Variants in SGK1 observed in about 807,000 individuals in gnomAD.
SGK1 encodes the protein serum/glucocorticoid regulated kinase 1.
A neutral mutation model predicts 64.2 loss-of-function variants in SGK1; 26 were observed. The ratio of observed to expected loss-of-function variants is 0.40; its 90% CI spans 0.30 to 0.56. The LOEUF is 0.56. Ranked by LOEUF, SGK1 falls within the 20% of genes least tolerant of loss-of-function variation. The probability of loss-of-function intolerance (pLI) is 0.38; values close to 1 mark genes in which losing one functional copy is unlikely to be tolerated. For missense variants in SGK1, 519 were observed against 645.6 expected (o/e 0.80, Z 2.12); for synonymous variants, 265 against 239.7 (o/e 1.11, Z -0.98).
intron 2 of SGK1, among the ~76,000 whole-genome samples, chr6:134,245,952 G>C (rs996115667): frequency 6.6e-6 from 1 of 152,178 alleles, no homozygotes; most frequent in African/African-American, 2.4e-5. Flanking sequence ...TGATGTAGTT[G>C]CTTTGAAATC....
At chr6:134,285,823 A>AT (rs574149876) in intron 1 of SGK1, among the ~76,000 whole-genome samples, 4 of 151,784 alleles carry the variant, frequency 2.6e-5, no homozygotes, top group South Asian at 2.1e-4. Flanking sequence ...AAAGGTCAGT[A>AT]TTTTTTTTAA....
intron 1 of SGK1, among the ~76,000 whole-genome samples, chr6:134,283,873 CAAAAAAAAAAAA>C (rs35999916): frequency 1.9e-4 from 5 of 26,130 alleles, no homozygotes; most frequent in Non-Finnish European, 3.6e-4. Flanking sequence ...CTGCCACCAC[CAAAAAAAAAAAA>C]AAAAAAAAAA....
intron 1 of SGK1, among the ~76,000 whole-genome samples, chr6:134,316,890 T>C (rs958230659): frequency 5.9e-5 from 9 of 151,888 alleles, no homozygotes; most frequent in Non-Finnish European, 1.0e-4. Flanking sequence ...ATACCACAGA[T>C]AGAGACACAG....
intron 3 of SGK1, among the ~76,000 whole-genome samples, chr6:134,176,834 G>C (rs1775246080): frequency 6.6e-6 from 1 of 152,188 alleles, no homozygotes; most frequent in African/African-American, 2.4e-5. Context: ...TTGCTTTGTT[G>C]CAACAGCCCC....
intron 2 of SGK1, among the ~76,000 whole-genome samples, chr6:134,253,677 C>T (rs776290856): frequency 1.1e-4 from 16 of 152,038 alleles, no homozygotes; most frequent in Non-Finnish European, 1.9e-4. Flanking sequence ...TTTTTTTCTA[C>T]AGTGCCCCTC....
intron 2 of SGK1, among the ~76,000 whole-genome samples, chr6:134,213,953 T>C (rs1775935118): frequency 6.6e-6 from 1 of 152,196 alleles, no homozygotes; most frequent in African/African-American, 2.4e-5. Context: ...TAAACCTCTA[T>C]GTACCTATCA....
At chr6:134,271,864 T>C (rs1365835329) in intron 1 of SGK1, among the ~76,000 whole-genome samples, 4 of 147,654 alleles carry the variant, frequency 2.7e-5, no homozygotes, top group African/African-American at 7.3e-5. Context: ...TTTTTTGAGA[T>C]GGAGTCTTGC....
At position 134,170,209 on chromosome 6, in the gene SGK1, GCTAA is replaced by G. The variant is rs1774966776; in HGVS notation, c.*55_*58del. 1.4e-6 allele frequency: 2 copies of G among 1,458,494 alleles called. No individual in the cohort carries two copies. The highest frequency in any genetic ancestry group is 9.4e-7 in the Non-Finnish European group (1 of 1,068,816). 90.3% of individuals were successfully genotyped at this position (1,458,494 alleles called of 1,614,324 possible). ...TGTCAGCTGGCGGCTCCACCAAAAG[GCTAA>G]CTAAAACATTCGGAAACACACATAA... On this transcript the variant is annotated 3_prime_UTR_variant, in exon 14 of 14. Coordinates refer to ENST00000367858, the MANE Select transcript of SGK1 (RefSeq NM_001143676.3).
chr6:134,199,019 G>A (rs1451049077), intron 3 of SGK1, among the ~76,000 whole-genome samples: 1 of 151,964 alleles, frequency 6.6e-6, no homozygotes, highest in Non-Finnish European at 1.5e-5. Flanking sequence ...CTTAGTAGCT[G>A]GGACCATACG....
intron 2 of SGK1, among the ~76,000 whole-genome samples, chr6:134,213,080 C>A (rs1582715097): frequency 1.3e-5 from 2 of 152,098 alleles, no homozygotes. Flanking sequence ...AAAGCATCCG[C>A]GGCAAATTAC....
chr6:134,279,431 A>AAAATAAATAAATAAAT (rs142061179), intron 1 of SGK1, among the ~76,000 whole-genome samples: 12,419 of 147,958 alleles, frequency 0.084, 593 homozygotes, highest in East Asian at 0.2. Context: ...ATCCTGTCTC[A>AAAATAAATAAATAAAT]AAATAAATAA....
chr6:134,307,078 GA>G (rs201473837), intron 1 of SGK1, among the ~76,000 whole-genome samples: 23 of 151,194 alleles, frequency 1.5e-4, no homozygotes, highest in African/African-American at 5.6e-4. Flanking sequence ...GGTACTAGAT[GA>G]AAAAAAAATT....
chr6:134,264,620 A>T (rs1776821677), intron 1 of SGK1, among the ~76,000 whole-genome samples: 1 of 152,098 alleles, frequency 6.6e-6, no homozygotes, highest in Non-Finnish European at 1.5e-5. Flanking sequence ...TTAGTTAGTG[A>T]TGCTACAATT....
intron 2 of SGK1, among the ~76,000 whole-genome samples, chr6:134,252,230 G>A (rs1255658536): frequency 2.6e-5 from 4 of 152,142 alleles, no homozygotes; most frequent in African/African-American, 9.7e-5. Context: ...GGTCAGCAGT[G>A]ACTCGAACAG....
chr6:134,177,252 C>CA (rs1175257516), intron 3 of SGK1, among the ~76,000 whole-genome samples: 34 of 151,756 alleles, frequency 2.2e-4, no homozygotes, highest in African/African-American at 3.9e-4. Context: ...AAAACAAAAA[C>CA]AAAAAAAACA....
intron 11 of SGK1, 23 bp downstream of exon 11, chr6:134,171,614 A>C: frequency 1.3e-6 from 2 of 1,552,112 alleles, no homozygotes; most frequent in East Asian, 2.2e-5. Context: ...GCAGTGTTCC[A>C]TGGTTCCCAA....
intron 1 of SGK1, among the ~76,000 whole-genome samples, chr6:134,263,276 A>T (rs1429715714): frequency 1.3e-5 from 2 of 152,138 alleles, no homozygotes; most frequent in Non-Finnish European, 2.9e-5. Context: ...TTCCTCTGTC[A>T]CCCAGGATGG....
chr6:134,277,338 C>T (rs776479396), intron 1 of SGK1, among the ~76,000 whole-genome samples: 1 of 151,990 alleles, frequency 6.6e-6, no homozygotes, highest in Admixed American at 6.6e-5. Flanking sequence ...ACAAACCAAC[C>T]AACAAACAAA....
At chr6:134,209,051 A>G (rs948987128) in intron 2 of SGK1, among the ~76,000 whole-genome samples, 1 of 152,140 alleles carries the variant, frequency 6.6e-6, no homozygotes, top group African/African-American at 2.4e-5. Context: ...GTACTCAGAT[A>G]CAATTAATAG....
Sources: allele counts gnomAD v4.1 joint callset (sites outside exome capture counted in the v4.1 genomes callset), GRCh38; gene constraint gnomAD v4.1.1; transcripts MANE v1.5; gene names NCBI Gene and HGNC (gene_info 2026-07-23, HGNC 2026-07-21).